NRXN3: variants seen among roughly 807,000 people sequenced by gnomAD.
The protein encoded by NRXN3 is neurexin 3.
NRXN3 carries 32 observed loss-of-function variants against 137.6 expected under a neutral mutation model. The observed-to-expected ratio is 0.23, with a 90% confidence interval of 0.18 to 0.31. The LOEUF is 0.31. NRXN3 is among the 10% of genes least tolerant of loss of function. NRXN3 has a pLI of 1.00. For synonymous variants in NRXN3, 798 were observed against 784.5 expected, an observed-to-expected ratio of 1.02 and a Z score of -0.29; for missense variants, 1,574 against 2,062.5, an observed-to-expected ratio of 0.76 and a Z score of 4.59.
At chr14:79,519,461 T>A (rs899032863) in intron 16 of NRXN3, among the ~76,000 whole-genome samples, 1 of 152,146 alleles carries the variant, frequency 6.6e-6, no homozygotes, top group African/African-American at 2.4e-5. Context: ...AAACATATTT[T>A]ATGTTTGTTT....
intron 4 of NRXN3, among the ~76,000 whole-genome samples, chr14:78,372,270 TTC>T (rs2086976591): frequency 6.7e-6 from 1 of 150,158 alleles, no homozygotes; most frequent in African/African-American, 2.4e-5. Context: ...GGTCACCAAC[TTC>T]TCTCTTTTTT....
At chr14:78,669,848 A>G (rs1368448703) in intron 6 of NRXN3, among the ~76,000 whole-genome samples, 1 of 151,856 alleles carries the variant, frequency 6.6e-6, no homozygotes, top group Non-Finnish European at 1.5e-5. Flanking sequence ...GGATTTTTTT[A>G]AATTTTATGT....
chr14:79,345,522 A>G (rs1242226944), intron 15 of NRXN3, among the ~76,000 whole-genome samples: 2 of 152,114 alleles, frequency 1.3e-5, no homozygotes, highest in Non-Finnish European at 2.9e-5. Context: ...TAGCAGGATG[A>G]TATAGTTTGG....
chr14:79,077,780 A>G (rs1044498479), intron 15 of NRXN3, among the ~76,000 whole-genome samples: 8 of 152,188 alleles, frequency 5.3e-5, no homozygotes, highest in African/African-American at 1.9e-4. Context: ...AGTCTGTGGT[A>G]TAATATTGCA....
chr14:78,266,025 A>T (rs1567121917), intron 2 of NRXN3, among the ~76,000 whole-genome samples: 1 of 152,208 alleles, frequency 6.6e-6, no homozygotes, highest in Admixed American at 6.5e-5. Flanking sequence ...ATGAACCTGT[A>T]CAATGAAAGG....
chr14:78,647,207 A>T (rs1008040950), intron 5 of NRXN3, among the ~76,000 whole-genome samples: 2 of 152,236 alleles, frequency 1.3e-5, no homozygotes, highest in Non-Finnish European at 2.9e-5. Context: ...TGGAGAGAGG[A>T]TAAACCAAAC....
chr14:79,439,708 G>A (rs966826648), intron 15 of NRXN3, among the ~76,000 whole-genome samples: 7 of 152,088 alleles, frequency 4.6e-5, no homozygotes, highest in African/African-American at 1.7e-4. Flanking sequence ...ATTCTGTCAA[G>A]CCATGTTAAA....
intron 3 of NRXN3, among the ~76,000 whole-genome samples, chr14:78,281,782 A>G (rs1398473210): frequency 6.6e-6 from 1 of 152,130 alleles, no homozygotes; most frequent in Admixed American, 6.5e-5. Context: ...GAGCTTCAGT[A>G]ACTTGCCCAG....
chr14:79,851,707 A>G (rs1349097769), intron 20 of NRXN3, among the ~76,000 whole-genome samples: 2 of 152,152 alleles, frequency 1.3e-5, no homozygotes, highest in African/African-American at 4.8e-5. Flanking sequence ...TCAACGAGAT[A>G]TAATACTGAA....
At chr14:79,147,971 G>A (rs932812047) in intron 15 of NRXN3, among the ~76,000 whole-genome samples, 2 of 152,058 alleles carry the variant, frequency 1.3e-5, no homozygotes, top group African/African-American at 4.8e-5. Flanking sequence ...CAGATTTCTG[G>A]AATTTGTGGT....
chr14:79,320,992 AC>A (rs1000527729), intron 15 of NRXN3, among the ~76,000 whole-genome samples: 4 of 152,082 alleles, frequency 2.6e-5, no homozygotes, highest in Non-Finnish European at 4.4e-5. Context: ...TATTTTTTAT[AC>A]TTTTGTATCA....
At chr14:79,617,702 C>A (rs191988198) in intron 16 of NRXN3, among the ~76,000 whole-genome samples, 1 of 151,792 alleles carries the variant, frequency 6.6e-6, no homozygotes, top group Admixed American at 6.6e-5. Flanking sequence ...GTTGAGTTTG[C>A]GAAAGGGATG....
At chr14:78,863,774 C>T (rs1194218937) in intron 10 of NRXN3, among the ~76,000 whole-genome samples, 1 of 152,188 alleles carries the variant, frequency 6.6e-6, no homozygotes, top group African/African-American at 2.4e-5. Flanking sequence ...AAAAATCAAG[C>T]GTGGACTTCT....
At chr14:78,436,853 TC>T (rs1423244956) in intron 4 of NRXN3, among the ~76,000 whole-genome samples, 1 of 152,172 alleles carries the variant, frequency 6.6e-6, no homozygotes, top group Admixed American at 6.5e-5. Context: ...TTTATTTAGC[TC>T]TTATGTGCAG....
At chr14:79,386,242 C>T (rs1022617828) in intron 15 of NRXN3, among the ~76,000 whole-genome samples, 1 of 152,140 alleles carries the variant, frequency 6.6e-6, no homozygotes, top group African/African-American at 2.4e-5. Context: ...CGCTGAGAGG[C>T]AACTTCAGCA....
intron 15 of NRXN3, among the ~76,000 whole-genome samples, chr14:79,091,075 T>TAA (rs5809922): frequency 6.9e-6 from 1 of 143,942 alleles, no homozygotes; most frequent in Non-Finnish European, 1.5e-5. Flanking sequence ...TTTGTCTCAG[T>TAA]AAAAAAAAAA....
At chr14:78,778,692 T>A (rs2098753725) in intron 8 of NRXN3, among the ~76,000 whole-genome samples, 1 of 143,708 alleles carries the variant, frequency 7.0e-6, no homozygotes, top group Non-Finnish European at 1.5e-5. Flanking sequence ...CTTTCTTTCT[T>A]TCTTTCTTTC....
intron 4 of NRXN3, among the ~76,000 whole-genome samples, chr14:78,473,320 T>G (rs1309827207): frequency 6.7e-6 from 1 of 149,890 alleles, no homozygotes; most frequent in Admixed American, 6.7e-5. Flanking sequence ...GAGAATGGCG[T>G]GAACCTGGGA....
Position 79,834,156 on chromosome 14 carries a change from G to A in NRXN3, c.4094-27186G>A, listed in dbSNP as rs566193754. ...TGGTAGTTACATAAACAGGTCCCAC[G>A]GCTACCAATAATATTAACACGGTAT... On this transcript the variant is annotated intron_variant, in intron 20 of 20. Coordinates refer to ENST00000335750, the MANE Select transcript of NRXN3 (RefSeq NM_001330195.2). Among the ~76,000 whole-genome samples, 6 of 152,162 alleles carry A rather than the reference G, an allele frequency of 3.9e-5. No individual in the cohort carries two copies. In the East Asian group the frequency reaches 5.8e-4, roughly 15 times the overall value.
Sources: gnomAD v4.1 joint callset for allele counts (sites outside exome capture counted in the v4.1 genomes callset) on GRCh38, gnomAD v4.1.1 for gene constraint, MANE v1.5 for transcripts, NCBI Gene and HGNC (gene_info 2026-07-23, HGNC 2026-07-21) for gene names.